Variants in RBFOX1 observed in about 807,000 individuals in gnomAD.
The protein encoded by RBFOX1 is RNA binding fox-1 homolog 1.
In RBFOX1, 8 loss-of-function variants were observed where a neutral mutation model predicts 57.7. The ratio of observed to expected loss-of-function variants is 0.14; its 90% CI spans 0.08 to 0.25. The LOEUF (loss-of-function observed/expected upper bound fraction) is 0.25. Among genes scored for constraint, RBFOX1 ranks in the 10% least tolerant of loss-of-function variants. The pLI, the probability that RBFOX1 is intolerant of heterozygous loss-of-function variation, is 1.00. For missense variants in RBFOX1, 611 were observed against 548.5 expected, an observed-to-expected ratio of 1.11 and a Z score of -1.14; for synonymous variants, 326 against 222.4, an observed-to-expected ratio of 1.47 and a Z score of -4.15.
In RBFOX1 at chr16:7,700,591, T is replaced by G. The variant is rs150381648; in HGVS notation, c.996-8465T>G. 3.2e-3 allele frequency among the ~76,000 whole-genome samples: 483 copies of G among 152,266 alleles called. 1 individual carries two copies. The highest frequency in any genetic ancestry group is 5.8e-3 in the Non-Finnish European group (392 of 68,008). ...AGCACAATAAAAATTCTTAGTGATT[T>G]TGGTAGAGCAGGAGTAGACAAACAA... On this transcript the variant is annotated intron_variant, in intron 14 of 15. Transcript: ENST00000550418.
chr16:5,410,311 G>A (rs974083927), intron 1 of RBFOX1, among the ~76,000 whole-genome samples: 1 of 151,796 alleles, frequency 6.6e-6, no homozygotes, highest in Admixed American at 6.6e-5. Context: ...GGTTGAGGCT[G>A]CAATGAGCTG....
At chr16:5,359,187 T>C (rs193139219) in intron 1 of RBFOX1, among the ~76,000 whole-genome samples, 77 of 152,376 alleles carry the variant, frequency 5.1e-4, no homozygotes, top group Non-Finnish European at 1.2e-4. Context: ...TATGTATAAG[T>C]ACCACATTTT....
rs541280601 is a variant in RBFOX1 at position 5,479,098 on chromosome 16, G to A, written c.258+11844G>A. 5.9e-5 allele frequency among the ~76,000 whole-genome samples: 9 copies of A among 152,244 alleles called. No individual in the cohort carries two copies. The South Asian group carries it at 1.0e-3, about 18-fold the overall frequency. On this transcript the variant is annotated intron_variant, in intron 2 of 2. Transcript: ENST00000585867. ...CTGGCTGCCACAAGGGGTGAGAGAC[G>A]GCTTATTCCATTACATAAAAATGCG...
At chr16:7,525,293 G>T (rs530248019) in intron 5 of RBFOX1, among the ~76,000 whole-genome samples, 4 of 151,396 alleles carry the variant, frequency 2.6e-5, no homozygotes, top group African/African-American at 7.3e-5. Context: ...TCATTATTTT[G>T]TGTGTGTGTG....
chr16:6,446,084 C>T (rs1224746293), intron 2 of RBFOX1, among the ~76,000 whole-genome samples: 2 of 152,180 alleles, frequency 1.3e-5, no homozygotes, highest in Non-Finnish European at 2.9e-5. Context: ...CCCACCTCAA[C>T]CTCTCAAGTA....
intron 4 of RBFOX1, among the ~76,000 whole-genome samples, chr16:7,362,962 T>G (rs1236995352): frequency 6.6e-6 from 1 of 152,168 alleles, no homozygotes; most frequent in Non-Finnish European, 1.5e-5. Flanking sequence ...TTAGCCTCTC[T>G]GAGCTTTTGT....
At chr16:5,398,972 C>A (rs551355033) in intron 1 of RBFOX1, among the ~76,000 whole-genome samples, 1 of 152,204 alleles carries the variant, frequency 6.6e-6, no homozygotes, top group Non-Finnish European at 1.5e-5. Flanking sequence ...GCTCTCCAGT[C>A]CCAGCTTTTC....
At chr16:7,424,984 GGTATGA>G (rs1444506647) in intron 4 of RBFOX1, among the ~76,000 whole-genome samples, 2 of 152,034 alleles carry the variant, frequency 1.3e-5, no homozygotes, top group African/African-American at 4.8e-5. Flanking sequence ...TCTTAGAGAT[GGTATGA>G]GTATAATACA....
At chr16:6,581,736 A>G (rs2097540061) in intron 2 of RBFOX1, among the ~76,000 whole-genome samples, 2 of 152,144 alleles carry the variant, frequency 1.3e-5, no homozygotes, top group African/African-American at 2.4e-5. Context: ...GTGTTTATGG[A>G]GGTCACCTGG....
chr16:5,997,560 A>G (rs1398839042), intron 4 of RBFOX1, among the ~76,000 whole-genome samples: 1 of 152,250 alleles, frequency 6.6e-6, no homozygotes, highest in East Asian at 1.9e-4. Context: ...CAAGAACTCC[A>G]TGAAGAATCA....
intron 4 of RBFOX1, among the ~76,000 whole-genome samples, chr16:7,316,965 C>T (rs1315159660): frequency 6.7e-6 from 1 of 149,038 alleles, no homozygotes; most frequent in African/African-American, 2.5e-5. Flanking sequence ...GAAGACAGAA[C>T]ACACACACAC....
chr16:6,793,207 T>C (rs2083309966), intron 3 of RBFOX1, among the ~76,000 whole-genome samples: 1 of 152,160 alleles, frequency 6.6e-6, no homozygotes, highest in Non-Finnish European at 1.5e-5. Context: ...GTATAATTTT[T>C]AAAAAGGTAC....
chr16:6,193,834 T>C (rs963813935), intron 1 of RBFOX1, among the ~76,000 whole-genome samples: 13 of 152,096 alleles, frequency 8.5e-5, no homozygotes, highest in Non-Finnish European at 1.8e-4. Flanking sequence ...TCTTCCTTCA[T>C]TCTCCTGGTA....
At chr16:7,013,997 C>G (rs930503449) in intron 3 of RBFOX1, among the ~76,000 whole-genome samples, 8 of 151,992 alleles carry the variant, frequency 5.3e-5, no homozygotes, top group African/African-American at 1.7e-4. Flanking sequence ...AGTATTCTCA[C>G]TAAAAGAAGG....
chr16:6,900,539 T>A (rs1338186741), intron 3 of RBFOX1, among the ~76,000 whole-genome samples: 3 of 152,228 alleles, frequency 2.0e-5, no homozygotes, highest in African/African-American at 7.2e-5. Context: ...TCAACACTCA[T>A]CTGCTTCTCC....
At chr16:6,970,331 A>T (rs561849485) in intron 3 of RBFOX1, among the ~76,000 whole-genome samples, 1 of 152,320 alleles carries the variant, frequency 6.6e-6, no homozygotes, top group South Asian at 2.1e-4. Context: ...TTTTCTCAGT[A>T]TAGTGGTTTG....
intron 12 of RBFOX1, among the ~76,000 whole-genome samples, chr16:7,664,575 C>CCAACT (rs1204302425): frequency 2.0e-5 from 3 of 152,056 alleles, no homozygotes; most frequent in African/African-American, 7.3e-5. Context: ...GGTTTGATTG[C>CCAACT]CAACTCTGAC....
At chr16:7,401,742 T>C (rs1444165742) in intron 4 of RBFOX1, among the ~76,000 whole-genome samples, 2 of 152,166 alleles carry the variant, frequency 1.3e-5, no homozygotes, top group African/African-American at 4.8e-5. Context: ...TATTTGAAAA[T>C]ATTATGGACT....
chr16:6,886,086 G>T (rs944103880), intron 3 of RBFOX1, among the ~76,000 whole-genome samples: 2 of 144,376 alleles, frequency 1.4e-5, no homozygotes, highest in Admixed American at 1.4e-4. Context: ...TTTTTGAGAC[G>T]GAGTCTCGCT....
Sources: gnomAD v4.1 joint callset for allele counts (sites outside exome capture counted in the v4.1 genomes callset) on GRCh38, gnomAD v4.1.1 for gene constraint, MANE v1.5 for transcripts, NCBI Gene and HGNC (gene_info 2026-07-23, HGNC 2026-07-21) for gene names.